DLC1: variants seen among roughly 807,000 people sequenced by gnomAD.
The protein encoded by DLC1 is rho GTPase-activating protein 7.
Under a neutral mutation model 140.3 loss-of-function variants are expected in DLC1, and 54 were observed. The observed-to-expected ratio is 0.38, with a 90% CI of 0.31 to 0.48. DLC1 has a LOEUF of 0.48. Ranked by LOEUF, DLC1 falls within the 20% of genes least tolerant of loss-of-function variation. The probability of loss-of-function intolerance (pLI) is 0.96; values close to 1 mark genes in which losing one functional copy is unlikely to be tolerated. For synonymous variants in DLC1, 986 were observed against 728.1 expected (o/e 1.35, Z -5.70); for missense variants, 2,536 against 1,907.0 (o/e 1.33, Z -6.14).
intron 5 of DLC1, among the ~76,000 whole-genome samples, chr8:13,210,993 T>C (rs1429554764): frequency 1.3e-5 from 2 of 152,106 alleles, no homozygotes; most frequent in African/African-American, 4.8e-5. Context: ...AAATAAATAA[T>C]GGGGGTGAGG....
At chr8:13,087,428 A>G (rs1249446119) in intron 16 of DLC1, among the ~76,000 whole-genome samples, 1 of 152,144 alleles carries the variant, frequency 6.6e-6, no homozygotes, top group Non-Finnish European at 1.5e-5. Context: ...CAACCAACTA[A>G]CCAGATGCAA....
chr8:13,339,903 A>T (rs1833964020), intron 4 of DLC1: 1 of 152,224 alleles, frequency 6.6e-6, no homozygotes, highest in Non-Finnish European at 1.5e-5. Context: ...GCTATGTGCT[A>T]AAAGCAGGGA....
At chr8:13,119,673 CA>C (rs1164662085) in intron 5 of DLC1, among the ~76,000 whole-genome samples, 1 of 152,092 alleles carries the variant, frequency 6.6e-6, no homozygotes, top group Non-Finnish European at 1.5e-5. Context: ...TTTCTGAGGC[CA>C]AGCGAGGTGG....
chr8:13,163,932 G>A (rs1253810441), intron 5 of DLC1, among the ~76,000 whole-genome samples: 1 of 152,050 alleles, frequency 6.6e-6, no homozygotes, highest in Non-Finnish European at 1.5e-5. Flanking sequence ...TTGAGCCCAG[G>A]GATTCAAGGC....
At chr8:13,463,154 C>T (rs555506708) in intron 2 of DLC1, among the ~76,000 whole-genome samples, 11 of 151,450 alleles carry the variant, frequency 7.3e-5, no homozygotes, top group South Asian at 2.1e-4. Flanking sequence ...ATCTGGTTGC[C>T]GGCATTTAGG....
intron 5 of DLC1, among the ~76,000 whole-genome samples, chr8:13,178,138 T>C (rs1825850904): frequency 6.6e-6 from 1 of 152,080 alleles, no homozygotes; most frequent in African/African-American, 2.4e-5. Context: ...ATCAATTCAA[T>C]GAATTGCAGA....
At chr8:13,087,128 G>A (rs1817629977) in intron 16 of DLC1, among the ~76,000 whole-genome samples, 1 of 152,154 alleles carries the variant, frequency 6.6e-6, no homozygotes, top group East Asian at 1.9e-4. Flanking sequence ...TAGGCATGGT[G>A]GGTGGCCCAT....
chr8:13,189,693 G>A (rs1826631833), intron 5 of DLC1, among the ~76,000 whole-genome samples: 1 of 152,098 alleles, frequency 6.6e-6, no homozygotes, highest in Admixed American at 6.6e-5. Flanking sequence ...GACCATCCTG[G>A]CAAACATGGA....
intron 10 of DLC1, among the ~76,000 whole-genome samples, chr8:13,097,895 T>C (rs1327845116): frequency 1.3e-5 from 2 of 151,624 alleles, no homozygotes; most frequent in African/African-American, 4.8e-5. Flanking sequence ...CTCAAGAATA[T>C]AGAGAGTGGC....
At chr8:13,463,221 G>C (rs1337895184) in intron 2 of DLC1, among the ~76,000 whole-genome samples, 1 of 151,968 alleles carries the variant, frequency 6.6e-6, no homozygotes, top group Non-Finnish European at 1.5e-5. Context: ...ATATCTGTCA[G>C]ATTTGCAGTT....
At chr8:13,257,795 A>C (rs1316655317) in intron 5 of DLC1, among the ~76,000 whole-genome samples, 1 of 151,704 alleles carries the variant, frequency 6.6e-6, no homozygotes, top group Non-Finnish European at 1.5e-5. Context: ...TTCTAATCCT[A>C]ACCAGCTGTC....
At chr8:13,490,794 A>T (rs1234786371) in intron 2 of DLC1, among the ~76,000 whole-genome samples, 1 of 152,050 alleles carries the variant, frequency 6.6e-6, no homozygotes, top group Non-Finnish European at 1.5e-5. Context: ...CTCCAATAAA[A>T]GCTGATGTTG....
chr8:13,455,391 A>G (rs1799336213), intron 2 of DLC1, among the ~76,000 whole-genome samples: 2 of 152,208 alleles, frequency 1.3e-5, no homozygotes, highest in African/African-American at 4.8e-5. Flanking sequence ...ACAGGAGCCA[A>G]AGATTCTCCA....
intron 2 of DLC1, among the ~76,000 whole-genome samples, chr8:13,405,287 C>T (rs560671727): frequency 6.6e-6 from 1 of 151,990 alleles, no homozygotes; most frequent in Admixed American, 6.6e-5. Context: ...TCAACCCTTG[C>T]CTCCCTCCCT....
chr8:13,121,479 T>C (rs896988190), intron 5 of DLC1, among the ~76,000 whole-genome samples: 6 of 152,144 alleles, frequency 3.9e-5, no homozygotes, highest in African/African-American at 1.4e-4. Context: ...CCACAAATAC[T>C]TGTAGTAAGG....
At position 13,086,435 on chromosome 8, in the gene DLC1, C is replaced by A; in HGVS notation, c.4321G>T (p.Ala1441Ser). ...ACAGAGGTTAGTAAAAGGGCACAGG[C>A]TCCTTTGGGTAAATTAGTCCTCCAG... ...RTWRTNLPKG[A>S]CALLLTSVDH... Residue 1441 changes from alanine (A) to serine (S), a missense_variant, in exon 17 of 18, where the codon GCC becomes TCC. Transcript: ENST00000276297. 6.2e-7 allele frequency: 1 copy of A among 1,614,220 alleles called. No homozygotes were observed. Among genetic ancestry groups the A allele is most frequent in the Non-Finnish European group, 8.5e-7 (1 of 1,180,040 alleles).
At chr8:13,587,077 T>C (rs1275087072) in intron 1 of DLC1, among the ~76,000 whole-genome samples, 5 of 142,806 alleles carry the variant, frequency 3.5e-5, no homozygotes, top group Admixed American at 1.4e-4. Context: ...GAAAATAGTT[T>C]ACACACACAC....
intron 1 of DLC1, among the ~76,000 whole-genome samples, chr8:13,564,598 G>T (rs969913647): frequency 6.6e-6 from 1 of 152,130 alleles, no homozygotes; most frequent in Non-Finnish European, 1.5e-5. Flanking sequence ...TATGATATCT[G>T]GGGGGAGAAT....
At chr8:13,202,114 T>A (rs1447676923) in intron 5 of DLC1, among the ~76,000 whole-genome samples, 3 of 151,796 alleles carry the variant, frequency 2.0e-5, no homozygotes, top group African/African-American at 7.3e-5. Context: ...CCCAGTTAAT[T>A]TTTGTATTTT....
Sources: allele counts gnomAD v4.1 joint callset (sites outside exome capture counted in the v4.1 genomes callset), GRCh38; gene constraint gnomAD v4.1.1; transcripts MANE v1.5; gene names NCBI Gene and HGNC (gene_info 2026-07-23, HGNC 2026-07-21).